DMBT1: variants seen among roughly 807,000 people sequenced by gnomAD.
The protein encoded by DMBT1 is deleted in malignant brain tumors 1.
A neutral mutation model predicts 252.9 loss-of-function variants in DMBT1; 198 were observed. The ratio of observed to expected loss-of-function variants is 0.78; its 90% CI spans 0.70 to 0.88. The LOEUF (loss-of-function observed/expected upper bound fraction) is 0.88, where lower values mean the gene tolerates loss of function less well. DMBT1 is among the 40% of genes least tolerant of loss of function. DMBT1 has a pLI of 0.00. For missense variants in DMBT1, 2,432 were observed against 2,404.7 expected, an observed-to-expected ratio of 1.01 and a Z score of -0.24; for synonymous variants, 990 against 942.7, an observed-to-expected ratio of 1.05 and a Z score of -0.92.
intron 4 of DMBT1, 109 bp downstream of exon 4, chr10:122,571,046 T>A: frequency 7.5e-7 from 1 of 1,335,294 alleles, no homozygotes; most frequent in South Asian, 1.2e-5. Context: ...GGTGCTGGTG[T>A]CATGTTCTCA....
At chr10:122,562,453 C>A (rs1565505147) in intron 1 of DMBT1, among the ~76,000 whole-genome samples, 1 of 152,152 alleles carries the variant, frequency 6.6e-6, no homozygotes, top group Non-Finnish European at 1.5e-5. Context: ...CTGGGGGCCA[C>A]CAGGCCCAGG....
chr10:122,579,906 G>A lies in DMBT1; in HGVS notation c.1003+5G>A, dbSNP rs773657453. 1.1e-5 allele frequency: 18 copies of A among 1,613,688 alleles called. No homozygotes were observed. Among genetic ancestry groups the A allele is most frequent in the African/African-American group, 5.3e-5 (4 of 74,912 alleles). ...ACGCTGGTGTCATCTGCTCAGGTGGGCCTTCAAGAACTTGGGCTCACTCTC... is the reference window on the plus strand; with the variant it reads ...ACGCTGGTGTCATCTGCTCAGGTGGACCTTCAAGAACTTGGGCTCACTCTC... On this transcript the variant is annotated splice_donor_5th_base_variant and intron_variant, in intron 10 of 55. Coordinates refer to ENST00000338354, the MANE Select transcript of DMBT1 (RefSeq NM_001377530.1).
At chr10:122,561,836 T>C (rs568337929) in intron 1 of DMBT1, among the ~76,000 whole-genome samples, 15 of 150,686 alleles carry the variant, frequency 1.0e-4, no homozygotes, top group African/African-American at 3.7e-4. Flanking sequence ...CCCTCCCTCC[T>C]CCTCCTTCTC....
Position 122,586,240 on chromosome 10 carries a change from C to T in DMBT1, c.1640C>T (p.Ala547Val), listed in dbSNP as rs1239402169. The T allele has an allele frequency of 1.9e-6, 3 of 1,588,676 alleles. 1 individual carries two copies. Among genetic ancestry groups the T allele is most frequent in the East Asian group, 4.7e-5 (2 of 42,722 alleles). The part of the protein sequence containing the change: ...CGWAMLAPGN[A>V]RFGQGSGPIV... The stretch of plus-strand genomic sequence containing the variant: ...TGGGCCATGTTGGCCCCAGGAAATG[C>T]CCGGTTTGGTCAGGGCTCAGGACCC... Residue 547 changes from alanine to valine, a missense_variant, in exon 16 of 56, where the codon GCC (alanine) becomes GTC (valine). Physicochemically the swap from Ala to Val is moderately conservative, Grantham distance 64. Coordinates refer to ENST00000338354, the MANE Select transcript of DMBT1 (RefSeq NM_001377530.1).
chr10:122,631,997 C>T (rs1358048058), intron 50 of DMBT1, 122 bp downstream of exon 50: 12 of 1,142,830 alleles, frequency 1.1e-5, no homozygotes, highest in Non-Finnish European at 1.3e-5. Context: ...CCATCCTCTA[C>T]AGCCCCTGTC....
intron 27 of DMBT1, among the ~76,000 whole-genome samples, chr10:122,600,391 C>A (rs1019596968): frequency 3.3e-5 from 5 of 152,142 alleles, no homozygotes; most frequent in African/African-American, 1.2e-4. Context: ...GAGCTTTGGT[C>A]CTTTTATATT....
chr10:122,588,047 C>G (rs1396307332), intron 16 of DMBT1, among the ~76,000 whole-genome samples: 1 of 148,466 alleles, frequency 6.7e-6, no homozygotes, highest in Non-Finnish European at 1.5e-5. Flanking sequence ...ATGATGCTTG[C>G]CCTATCTGGA....
In DMBT1 at chr10:122,600,084, C is replaced by A. The variant is rs763253372; in HGVS notation, c.3301C>A (p.Pro1101Thr). 6.2e-7 allele frequency: 1 copy of A among 1,607,254 alleles called. No homozygotes were observed. The highest frequency in any genetic ancestry group is 1.1e-5 in the South Asian group (1 of 90,174). Residue 1101 changes from proline (P) to threonine (T), a missense_variant, in exon 27 of 56, where the codon CCT becomes ACT. Pro to Thr is a conservative substitution (Grantham distance 38). Coordinates refer to ENST00000338354, the MANE Select transcript of DMBT1 (RefSeq NM_001377530.1). ...ICSASQSRPT[P>T]SPDTWPTSHA... ...CACAGCTTCCCAGTCCCGGCCAACA[C>A]CTAGTCCAGGTGGGTCCCCAGTGTC...
At chr10:122,576,821 G>T in intron 7 of DMBT1, 99 bp downstream of exon 7, 2 of 1,457,260 alleles carry the variant, frequency 1.4e-6, no homozygotes, top group Non-Finnish European at 1.9e-6. Context: ...GAGCTCAGGC[G>T]TTCAAGACCA....
chr10:122,620,173 T>C, intron 42 of DMBT1, 80 bp from the exon 43 acceptor site: 1 of 1,453,642 alleles, frequency 6.9e-7, no homozygotes, highest in South Asian at 1.1e-5. Flanking sequence ...TTCATGATGC[T>C]TGCCTGGTTC....
At chr10:122,569,961 G>A (rs1220948992) in intron 2 of DMBT1, among the ~76,000 whole-genome samples, 1 of 152,170 alleles carries the variant, frequency 6.6e-6, no homozygotes, top group African/African-American at 2.4e-5. Context: ...GGTAACAGGA[G>A]CAAAGGATGC....
At position 122,640,310 on chromosome 10, in the gene DMBT1, G is replaced by T; in HGVS notation, c.7213G>T (p.Val2405Leu). The change falls in exon 55 of 56, where the codon GTG becomes TTG. Residue 2405 changes from valine to leucine, a missense_variant. Around this residue, in one of 3 missense-constraint regions of DMBT1, gnomAD observed 1,162 missense variants for 1,169.0 expected, o/e 0.99. Coordinates refer to ENST00000338354, the MANE Select transcript of DMBT1 (RefSeq NM_001377530.1). ...LYPVTSRPYYVDLNQDLYVQA... is the reference protein window; with the variant it reads ...LYPVTSRPYYLDLNQDLYVQA... ...TCCTGTGACCAGCCGCCCTTACTAC[G>T]TGGACCTGAACCAGGACTTGTACGT... is the stretch of plus-strand genomic sequence containing the variant. The T allele has an allele frequency of 1.2e-6, 2 of 1,613,984 alleles. No individual in the cohort carries two copies. The highest frequency in any genetic ancestry group is 1.7e-6 in the Non-Finnish European group (2 of 1,179,892).
intron 13 of DMBT1, 114 bp from the exon 14 acceptor site, chr10:122,584,208 G>C (rs1309872824): frequency 8.0e-6 from 2 of 249,514 alleles, no homozygotes; most frequent in Non-Finnish European, 6.8e-6. Context: ...CCCTCCCTCT[G>C]TGATGGGGAC....
intron 6 of DMBT1, 56 bp from the exon 7 acceptor site, chr10:122,576,343 C>T: frequency 1.3e-6 from 2 of 1,595,604 alleles, no homozygotes; most frequent in Non-Finnish European, 1.7e-6. Flanking sequence ...CCTGCAGGCC[C>T]TGAGACCTTG....
chr10:122,573,573 G>A (rs2097685259), intron 5 of DMBT1, 142 bp from the exon 6 acceptor site: 2 of 1,018,198 alleles, frequency 2.0e-6, no homozygotes, highest in African/African-American at 3.2e-5. Context: ...CAAAGCGATT[G>A]GCACATGGTT....
chr10:122,592,445 G>T lies in DMBT1; in HGVS notation c.2350G>T (p.Gly784Ter). The T allele has an allele frequency of 1.3e-6, 2 of 1,588,328 alleles. No homozygotes were observed. Among genetic ancestry groups the T allele is most frequent in the Non-Finnish European group, 8.6e-7 (1 of 1,165,764 alleles). Residue 784 changes from glycine (G) to a stop codon, truncating the protein, a stop_gained, in exon 20 of 56, where the codon GGA becomes TGA. Coordinates refer to ENST00000338354, the MANE Select transcript of DMBT1 (RefSeq NM_001377530.1). LOFTEE classifies it high-confidence loss of function. ...LGCGWATSAP[G>*]NARFGQGSGP... ...CTGTGGCTGGGCCACGTCGGCCCCA[G>T]GAAATGCCCGGTTTGGCCAGGGCTC...
chr10:122,640,059 A>C lies in DMBT1; in HGVS notation c.6962A>C (p.Asp2321Ala). ...TCCTAGGCAGACAATGACACCATCG[A>C]CTATTCCAACTTCCTCACAGCAGCT... ...TFKQADNDTI[D>A]YSNFLTAAVS... is the part of the protein sequence containing the mutation. The change falls in exon 55 of 56, where the codon GAC becomes GCC. Residue 2321 changes from aspartate to alanine, a missense_variant. Asp to Ala is a moderately radical substitution (Grantham distance 126). Around this residue, in one of 3 missense-constraint regions of DMBT1, gnomAD observed 1,162 missense variants for 1,169.0 expected, o/e 0.99. Coordinates refer to ENST00000338354, the MANE Select transcript of DMBT1 (RefSeq NM_001377530.1). 1 of 1,613,858 alleles carries C rather than the reference A, an allele frequency of 6.2e-7. No individual in the cohort carries two copies.
At chr10:122,633,890 T>C (rs186615782) in intron 52 of DMBT1, among the ~76,000 whole-genome samples, 1 of 152,162 alleles carries the variant, frequency 6.6e-6, no homozygotes, top group East Asian at 1.9e-4. Flanking sequence ...TCCCAACACT[T>C]TGGGAGGCCG....
chr10:122,643,024 A>C (rs1844848384), intron 55 of DMBT1, 98 bp from the exon 56 acceptor site: 4 of 1,485,492 alleles, frequency 2.7e-6, no homozygotes, highest in Non-Finnish European at 3.7e-6. Flanking sequence ...AGGCAGGGGC[A>C]GTGAGGACAG....
Sources: allele counts gnomAD v4.1 joint callset (sites outside exome capture counted in the v4.1 genomes callset), GRCh38; gene constraint gnomAD v4.1.1; regional missense constraint gnomAD v4.1.1; transcripts MANE v1.5; gene names NCBI Gene and HGNC (gene_info 2026-07-23, HGNC 2026-07-21).